The following DDX25 variants were observed in gnomAD, a reference collection of about 807,000 sequenced individuals.
DDX25 encodes the protein DEAD-box helicase 25, also known as ATP-dependent RNA helicase DDX25.
A neutral mutation model predicts 64.6 loss-of-function variants in DDX25; 70 were observed. The observed-to-expected ratio is 1.08, with a 90% CI of 0.89 to 1.32. The LOEUF (loss-of-function observed/expected upper bound fraction) is 1.32. Among genes scored for constraint, DDX25 ranks in the 40% most tolerant of loss-of-function variants. The pLI, the probability that DDX25 is intolerant of heterozygous loss-of-function variation, is 0.00. For synonymous variants in DDX25, 211 were observed against 213.3 expected (o/e 0.99, Z 0.09); for missense variants, 587 against 604.4 (o/e 0.97, Z 0.30).
chr11:125,916,125 T>C (rs1289444173), intron 8 of DDX25, among the ~76,000 whole-genome samples: 1 of 152,218 alleles, frequency 6.6e-6, no homozygotes, highest in Non-Finnish European at 1.5e-5. Flanking sequence ...TCTCTTTCAC[T>C]CTCTTTTAGC....
At chr11:125,906,823 C>CA (rs548482997) in intron 4 of DDX25, among the ~76,000 whole-genome samples, 2,935 of 111,854 alleles carry the variant, frequency 0.026, 94 homozygotes, top group Middle Eastern at 0.042. Context: ...GACTCCGTCT[C>CA]AAAAAAAAAA....
At position 125,920,360 on chromosome 11, in the gene DDX25, C is replaced by T. The variant is rs555105015; in HGVS notation, c.1202-831C>T. ...GCTGAGACAGGAGAATCGCTTGAAC[C>T]CGGGAGGCAGAGGTTGCAGTGAGCC... On this transcript the variant is annotated intron_variant, in intron 10 of 11. Transcript: ENST00000263576. 2.4e-4 allele frequency among the ~76,000 whole-genome samples: 36 copies of T among 152,118 alleles called. 1 individual carries two copies. The highest frequency in any genetic ancestry group is 7.2e-4 in the African/African-American group (30 of 41,496).
chr11:125,922,771 C>T (rs1207245530), intron 11 of DDX25, 49 bp from the exon 12 acceptor site: 2 of 1,510,830 alleles, frequency 1.3e-6, no homozygotes, highest in Non-Finnish European at 1.8e-6. Context: ...AATGAAGTTC[C>T]ATTTAGACCC....
At chr11:125,904,501 G>A, upstream of DDX25, 1 of 1,481,252 alleles carries the variant, frequency 6.8e-7, no homozygotes, top group Non-Finnish European at 9.0e-7. Context: ...CTGGGGGCGG[G>A]AGCAGCAATC....
chr11:125,920,347 G>T (rs1224420630), intron 10 of DDX25, among the ~76,000 whole-genome samples: 1 of 152,016 alleles, frequency 6.6e-6, no homozygotes, highest in East Asian at 1.9e-4. Flanking sequence ...TGAGACAGGA[G>T]AATCGCTTGA....
Position 125,923,475 on chromosome 11 carries a change from T to C in DDX25, c.*594T>C, listed in dbSNP as rs1945139673. 1 of 152,258 alleles carries C rather than the reference T, an allele frequency of 6.6e-6. No individual in the cohort carries two copies. Among genetic ancestry groups the C allele is most frequent in the Non-Finnish European group, 1.5e-5 (1 of 68,052 alleles). The allele number at this position is 152,258 out of a possible 1,614,324, so 9.4% of individuals were successfully genotyped here. ...CATACAGAATTTCAGAGTATTTTTCTATTTTGCTTCTCTTCAAATTAAAGA... is the reference window on the plus strand; with the variant it reads ...CATACAGAATTTCAGAGTATTTTTCCATTTTGCTTCTCTTCAAATTAAAGA... On this transcript the variant is annotated 3_prime_UTR_variant, in exon 12 of 12. Coordinates refer to ENST00000263576, the MANE Select transcript of DDX25 (RefSeq NM_013264.5).
At chr11:125,915,814 T>G (rs1408951462) in intron 8 of DDX25, among the ~76,000 whole-genome samples, 1 of 152,234 alleles carries the variant, frequency 6.6e-6, no homozygotes, top group Non-Finnish European at 1.5e-5. Flanking sequence ...TAGCTGCGTT[T>G]TCATCAACTC....
intron 6 of DDX25, among the ~76,000 whole-genome samples, chr11:125,909,576 C>G (rs1944938184): frequency 6.6e-6 from 1 of 151,184 alleles, no homozygotes; most frequent in Non-Finnish European, 1.5e-5. Flanking sequence ...TTATATATAT[C>G]ATATTATGTA....
intron 3 of DDX25, 82 bp from the exon 4 acceptor site, chr11:125,905,992 A>G (rs1944879377): frequency 6.8e-7 from 1 of 1,467,558 alleles, no homozygotes; most frequent in South Asian, 1.5e-5. Context: ...TGCTTGGTAT[A>G]CAACCACTGA....
intron 3 of DDX25, 94 bp downstream of exon 3, chr11:125,905,691 A>AAGG: frequency 7.7e-7 from 1 of 1,293,518 alleles, no homozygotes; most frequent in Non-Finnish European, 1.1e-6. Context: ...TCAATTGGAA[A>AAGG]AGGCCTGTCT....
chr11:125,905,509 A>G (rs1224985089), intron 2 of DDX25, 44 bp from the exon 3 acceptor site: 89 of 1,535,732 alleles, frequency 5.8e-5, no homozygotes, highest in Non-Finnish European at 7.9e-5. Flanking sequence ...ATTTGTGCTC[A>G]GCATTTGTCT....
chr11:125,910,330 C>G (rs538637958), intron 6 of DDX25, 34 bp from the exon 7 acceptor site: 2 of 1,582,464 alleles, frequency 1.3e-6, no homozygotes, highest in South Asian at 2.2e-5. Context: ...CTGTAAGAAC[C>G]TTTCTCCTCC....
At chr11:125,911,211 C>T (rs1591517328) in intron 7 of DDX25, 100 bp from the exon 8 acceptor site, 1 of 1,108,780 alleles carries the variant, frequency 9.0e-7, no homozygotes, top group Admixed American at 4.1e-5. Context: ...TTATTACAAA[C>T]TGTATTTTTG....
chr11:125,908,390 C>G lies in DDX25; in HGVS notation c.405-11C>G. On this transcript the variant is annotated splice_polypyrimidine_tract_variant and intron_variant, in intron 5 of 11. Transcript: ENST00000263576. ...TTCAGTTTATGCCCAGTGGTCTTCT[C>G]TTTTCTACAGACCCCAGAACCTCAT... 1 of 1,613,912 alleles carries G rather than the reference C, an allele frequency of 6.2e-7. No homozygotes were observed.
rs776062775 is a variant in DDX25 at position 125,906,098 on chromosome 11, TAAAC to T, written c.203_206del (p.Asn68SerfsTer2). 50 of 1,543,636 alleles carry T rather than the reference TAAAC, an allele frequency of 3.2e-5. No homozygotes were observed. Among genetic ancestry groups the T allele is most frequent in the South Asian group, 1.2e-5 (1 of 81,374 alleles). The stretch of plus-strand genomic sequence containing the variant: ...GTGGATTTGGCAGCTAATTCACTCT[TAAAC>T]AAGTTAATCCATCAATCCTTAGTAG... On this transcript the variant is annotated frameshift_variant, in exon 4 of 12. Coordinates refer to ENST00000263576, the MANE Select transcript of DDX25 (RefSeq NM_013264.5). LOFTEE classifies it high-confidence loss of function.
Position 125,922,918 on chromosome 11 carries a change from ATGTGAGAATGTC to A in DDX25, c.*39_*50del, listed in dbSNP as rs1945132712. On this transcript the variant is annotated 3_prime_UTR_variant, in exon 12 of 12. Coordinates refer to ENST00000263576, the MANE Select transcript of DDX25 (RefSeq NM_013264.5). ...TATTGTTTGTGCAGTATCCTAGTTT[ATGTGAGAATGTC>A]TCAGTGGGTTTTGAAGGTAATTTTT... is the stretch of plus-strand genomic sequence containing the variant. 6.4e-7 allele frequency: 1 copy of A among 1,559,982 alleles called. No homozygotes were observed. The highest frequency in any genetic ancestry group is 1.4e-5 in the African/African-American group (1 of 73,988).
Position 125,923,056 on chromosome 11 carries a change from G to A in DDX25, c.*175G>A. 1 of 571,388 alleles carries A rather than the reference G, an allele frequency of 1.8e-6. No homozygotes were observed. Among genetic ancestry groups the A allele is most frequent in the Non-Finnish European group, 3.1e-6 (1 of 321,784 alleles). 35.4% of individuals were successfully genotyped at this position (571,388 alleles called of 1,614,324 possible). ...GAGGTCTTTTTGAAGCCAAATTGAT[G>A]TGAAGCTTGTGATCCTTTTGAATAA... On this transcript the variant is annotated 3_prime_UTR_variant, in exon 12 of 12. Transcript: ENST00000263576.
rs751988751 is a variant in DDX25, at chr11:125,921,263, A to G, written c.1274A>G (p.Tyr425Cys). Reference protein sequence around the residue: ...LPVKQGEEPDYETYLHRIGRT... With the variant: ...LPVKQGEEPDCETYLHRIGRT... ...GTAAAACAAGGAGAGGAGCCGGACT[A>G]TGAGACCTACCTCCACCGCATAGGG... is the stretch of plus-strand genomic sequence containing the variant. Residue 425 changes from tyrosine to cysteine, a missense_variant, in exon 11 of 12, where the codon TAT (tyrosine) becomes TGT (cysteine). Transcript: ENST00000263576. This position sits in a 1 kb window ranked among gnomAD's most constrained non-coding sequence, Gnocchi z 4.1. 2 of 1,613,206 alleles carry G rather than the reference A, an allele frequency of 1.2e-6. No individual in the cohort carries two copies. The highest frequency in any genetic ancestry group is 1.7e-6 in the Non-Finnish European group (2 of 1,179,698).
rs755967166 is a variant in DDX25 at position 125,904,817 on chromosome 11, G to C, written c.63+237G>C. The C allele has an allele frequency of 1.4e-5, 8 of 585,184 alleles. No individual in the cohort carries two copies. The South Asian group carries it at 1.7e-4, about 12-fold the overall frequency. 36.2% of individuals were successfully genotyped at this position (585,184 alleles called of 1,614,324 possible). ...AAAAATGACGACCCCTGGAAATCCAGGGTGGGAACGCAGCTGGTAGTCCCA... is the reference window on the plus strand; with the variant it reads ...AAAAATGACGACCCCTGGAAATCCACGGTGGGAACGCAGCTGGTAGTCCCA... On this transcript the variant is annotated intron_variant, in intron 1 of 11. Transcript: ENST00000263576.
Sources: allele counts gnomAD v4.1 joint callset (sites outside exome capture counted in the v4.1 genomes callset), GRCh38; gene constraint gnomAD v4.1.1; non-coding constraint Gnocchi (gnomAD v3.1); transcripts MANE v1.5; gene names NCBI Gene and HGNC (gene_info 2026-07-23, HGNC 2026-07-21).